AOPEP: variants seen among roughly 807,000 people sequenced by gnomAD.
The protein encoded by AOPEP is aminopeptidase O.
Under a neutral mutation model 98.1 loss-of-function variants are expected in AOPEP, and 77 were observed. That is an observed-to-expected ratio of 0.78 (90% CI 0.65 to 0.95). AOPEP has a LOEUF of 0.95. Among genes scored for constraint, AOPEP ranks in the 40% least tolerant of loss-of-function variants. The pLI is 0.00. For synonymous variants in AOPEP, 346 were observed against 365.3 expected, an observed-to-expected ratio of 0.95 and a Z score of 0.60; for missense variants, 1,024 against 1,024.7, an observed-to-expected ratio of 1.00 and a Z score of 0.01.
At chr9:94,737,665 G>A (rs1832081634) in intron 1 of AOPEP, among the ~76,000 whole-genome samples, 1 of 152,150 alleles carries the variant, frequency 6.6e-6, no homozygotes, top group African/African-American at 2.4e-5. Flanking sequence ...CCTTCCATTT[G>A]GTATAATGTG....
At chr9:94,925,008 T>C (rs951902197) in intron 6 of AOPEP, among the ~76,000 whole-genome samples, 1 of 152,196 alleles carries the variant, frequency 6.6e-6, no homozygotes, top group African/African-American at 2.4e-5. Flanking sequence ...GTTGTTGTTG[T>C]TGAGACGGAG....
chr9:95,012,737 A>G (rs890123214), intron 13 of AOPEP, among the ~76,000 whole-genome samples: 1 of 152,124 alleles, frequency 6.6e-6, no homozygotes, highest in Admixed American at 6.5e-5. Flanking sequence ...TGCCCACAGA[A>G]GAGTTAAACT....
intron 5 of AOPEP, among the ~76,000 whole-genome samples, chr9:94,826,959 T>C (rs945710592): frequency 6.6e-6 from 1 of 152,222 alleles, no homozygotes; most frequent in Non-Finnish European, 1.5e-5. Flanking sequence ...AATCTGCCAT[T>C]GTCCCTTCCC....
the AOPEP span, among the ~76,000 whole-genome samples, chr9:95,096,217 T>G: frequency 6.6e-6 from 1 of 152,318 alleles, no homozygotes; most frequent in East Asian, 1.9e-4. Context: ...CTTTATCTTA[T>G]ACTAAATTCT....
intron 7 of AOPEP, chr9:94,934,639 C>T (rs1483322262): frequency 6.6e-6 from 1 of 152,160 alleles, no homozygotes; most frequent in Non-Finnish European, 1.5e-5. Flanking sequence ...TTCCTTGGCT[C>T]ATTGTGCCCT....
intron 16 of AOPEP, 88 bp downstream of exon 16, chr9:95,082,807 C>T (rs1228594679): frequency 7.7e-6 from 11 of 1,428,810 alleles, no homozygotes; most frequent in Non-Finnish European, 1.1e-5. Context: ...GAATAGTTAG[C>T]CAAGACTACC....
chr9:94,870,187 A>G (rs759653105), intron 5 of AOPEP, among the ~76,000 whole-genome samples: 1 of 152,046 alleles, frequency 6.6e-6, no homozygotes, highest in Non-Finnish European at 1.5e-5. Context: ...ACGGGGTTTC[A>G]CCATGTTAGC....
At chr9:94,807,166 G>A (rs1314898747) in intron 5 of AOPEP, among the ~76,000 whole-genome samples, 1 of 152,146 alleles carries the variant, frequency 6.6e-6, no homozygotes, top group Non-Finnish European at 1.5e-5. Context: ...TGGGGGCCAG[G>A]CTCTCTCTCT....
chr9:95,108,359 C>T, the AOPEP span, among the ~76,000 whole-genome samples: 8 of 152,246 alleles, frequency 5.3e-5, no homozygotes, highest in Admixed American at 2.0e-4. Context: ...ATGGTGTCTA[C>T]GGGAGCCCAA....
chr9:95,074,198 T>C (rs144132108), intron 14 of AOPEP, among the ~76,000 whole-genome samples: 5 of 152,264 alleles, frequency 3.3e-5, no homozygotes, highest in South Asian at 4.1e-4. Flanking sequence ...CTCAGGCCTG[T>C]ACCACAGACA....
intron 7 of AOPEP, among the ~76,000 whole-genome samples, chr9:94,938,980 T>C (rs528304845): frequency 1.3e-5 from 2 of 152,220 alleles, no homozygotes; most frequent in East Asian, 3.9e-4. Context: ...CCGGGCGCGG[T>C]GGCTCACACC....
chr9:95,143,245 C>G, the AOPEP span, among the ~76,000 whole-genome samples: 1 of 152,202 alleles, frequency 6.6e-6, no homozygotes, highest in Non-Finnish European at 1.5e-5. Context: ...CCTCTCCAGG[C>G]ACGTCACCTT....
chr9:95,011,996 C>G (rs1311074152), intron 13 of AOPEP, among the ~76,000 whole-genome samples: 2 of 152,116 alleles, frequency 1.3e-5, no homozygotes, highest in East Asian at 3.9e-4. Context: ...ATCATAATAG[C>G]TAACATTTCC....
the AOPEP span, chr9:95,113,985 G>A: frequency 1.9e-5 from 3 of 158,748 alleles, no homozygotes; most frequent in African/African-American, 4.8e-5. Context: ...CTACTCAGGA[G>A]TCTGAGTGGG....
chr9:94,828,374 G>A (rs1011618858), intron 5 of AOPEP, among the ~76,000 whole-genome samples: 2 of 152,108 alleles, frequency 1.3e-5, no homozygotes, highest in Non-Finnish European at 2.9e-5. Context: ...TTAGGTCTTT[G>A]ATCCATTTTA....
intron 5 of AOPEP, among the ~76,000 whole-genome samples, chr9:94,862,276 C>T (rs2135443954): frequency 6.6e-6 from 1 of 152,256 alleles, no homozygotes; most frequent in East Asian, 1.9e-4. Flanking sequence ...TGTTCTTGGG[C>T]CTCAGGCATA....
chr9:95,114,568 AGAT>A, the AOPEP span: 6 of 1,413,624 alleles, frequency 4.2e-6, no homozygotes, highest in Admixed American at 1.0e-4. Context: ...CTCAAAGGGC[AGAT>A]GAGGATCTAG....
intron 5 of AOPEP, among the ~76,000 whole-genome samples, chr9:94,884,688 A>G (rs912849108): frequency 5.9e-5 from 9 of 152,174 alleles, no homozygotes; most frequent in Admixed American, 6.5e-5. Context: ...CGTTGTTAAG[A>G]TGAAGCGAGT....
the AOPEP span, among the ~76,000 whole-genome samples, chr9:95,135,850 T>C: frequency 6.6e-6 from 1 of 152,296 alleles, no homozygotes; most frequent in South Asian, 2.1e-4. Context: ...GAAATAGGCA[T>C]GTTCAAACAC....
Sources: gnomAD v4.1 joint callset for allele counts (sites outside exome capture counted in the v4.1 genomes callset) on GRCh38, gnomAD v4.1.1 for gene constraint, MANE v1.5 for transcripts, NCBI Gene and HGNC (gene_info 2026-07-23, HGNC 2026-07-21) for gene names.